The following PCDH15 variants were observed in gnomAD, a reference collection of about 807,000 sequenced individuals.
PCDH15 encodes the protein protocadherin-15.
A neutral mutation model predicts 178.5 loss-of-function variants in PCDH15; 129 were observed. The ratio of observed to expected loss-of-function variants is 0.72; its 90% CI spans 0.63 to 0.84. The LOEUF (loss-of-function observed/expected upper bound fraction) is 0.84. Among genes scored for constraint, PCDH15 ranks in the 40% least tolerant of loss-of-function variants. The pLI, the probability that PCDH15 is intolerant of heterozygous loss-of-function variation, is 0.00. For missense variants in PCDH15, 2,230 were observed against 2,099.9 expected, an observed-to-expected ratio of 1.06 and a Z score of -1.21; for synonymous variants, 800 against 732.0, an observed-to-expected ratio of 1.09 and a Z score of -1.50.
chr10:54,003,207 A>T (rs183769271), intron 20 of PCDH15, among the ~76,000 whole-genome samples: 1 of 152,342 alleles, frequency 6.6e-6, no homozygotes, highest in Admixed American at 6.5e-5. Flanking sequence ...AAACTAGAAA[A>T]GCAAGAGCAG....
At chr10:55,030,737 C>G (rs1369482692) in intron 2 of PCDH15, among the ~76,000 whole-genome samples, 1 of 152,050 alleles carries the variant, frequency 6.6e-6, no homozygotes, top group Non-Finnish European at 1.5e-5. Flanking sequence ...AAGAAACATT[C>G]TGTGAATTTT....
At chr10:54,012,655 A>G (rs1007701785) in intron 20 of PCDH15, among the ~76,000 whole-genome samples, 1 of 152,198 alleles carries the variant, frequency 6.6e-6, no homozygotes, top group Non-Finnish European at 1.5e-5. Context: ...ATTCTTAAAT[A>G]AAAGAATTTC....
chr10:54,339,223 T>G (rs1056592273), intron 6 of PCDH15, among the ~76,000 whole-genome samples: 3 of 152,212 alleles, frequency 2.0e-5, no homozygotes, highest in Non-Finnish European at 4.4e-5. Flanking sequence ...TCATTCACGT[T>G]AGTGTAATTT....
intron 2 of PCDH15, among the ~76,000 whole-genome samples, chr10:54,899,480 C>CCCCTT (rs1346080907): frequency 6.9e-6 from 1 of 145,818 alleles, no homozygotes; most frequent in East Asian, 2.1e-4. Context: ...CCCCTCCCCT[C>CCCCTT]CCCTTCCCTT....
In PCDH15 at chr10:55,227,492, G is replaced by C. The variant is rs924808837; in HGVS notation, c.-155-60841C>G. On this transcript the variant is annotated intron_variant, in intron 1 of 5. Coordinates refer to the PCDH15 transcript ENST00000458638. ...TGATTGATTCCCAGGATAACTGCTG[G>C]GCAGCAGGCTTAGAGGGTAGTCAGC... Among the ~76,000 whole-genome samples, 2 of 146,684 alleles carry C rather than the reference G, an allele frequency of 1.4e-5. 1 individual carries two copies. Among genetic ancestry groups the C allele is most frequent in the African/African-American group, 5.1e-5 (2 of 39,474 alleles).
chr10:54,780,670 A>G (rs1233297476), intron 1 of PCDH15, among the ~76,000 whole-genome samples: 1 of 151,252 alleles, frequency 6.6e-6, no homozygotes, highest in South Asian at 2.1e-4. Context: ...TCCACACATC[A>G]GGATTTGAGG....
At chr10:55,460,902 A>G (rs1839662341) in intron 2 of PCDH15, among the ~76,000 whole-genome samples, 1 of 152,052 alleles carries the variant, frequency 6.6e-6, no homozygotes, top group Non-Finnish European at 1.5e-5. Flanking sequence ...AGGTCCTGAT[A>G]TTAAAATTTG....
intron 3 of PCDH15, among the ~76,000 whole-genome samples, chr10:54,439,502 A>G (rs1449248958): frequency 6.6e-6 from 1 of 152,036 alleles, no homozygotes; most frequent in East Asian, 1.9e-4. Flanking sequence ...ACACTGAAAG[A>G]TACTCCCAAA....
rs2056661265 is a variant in PCDH15 at position 54,253,466 on chromosome 10, T to C, written c.877-16535A>G. Among the ~76,000 whole-genome samples the C allele has an allele frequency of 2.0e-5, 3 of 152,082 alleles. No homozygotes were observed. In the South Asian group the frequency reaches 6.2e-4, roughly 31 times the overall value. On this transcript the variant is annotated intron_variant, in intron 8 of 37. Transcript: ENST00000644397. ...AGAAATCTGTGACAACAGTGAGTTA[T>C]ATATTTTATTGACTTCCTCTAGTTC...
At chr10:54,791,862 C>T (rs576374941) in intron 1 of PCDH15, among the ~76,000 whole-genome samples, 1 of 151,908 alleles carries the variant, frequency 6.6e-6, no homozygotes, top group South Asian at 2.1e-4. Context: ...CTGCTCTCAT[C>T]TACCTGTTGA....
intron 8 of PCDH15, among the ~76,000 whole-genome samples, chr10:54,267,180 T>A (rs1183455830): frequency 7.9e-6 from 1 of 127,314 alleles, no homozygotes; most frequent in Non-Finnish European, 1.7e-5. Context: ...ATGAAAAAAA[T>A]AAGATTATCT....
chr10:54,232,144 G>A (rs7911163), intron 9 of PCDH15, among the ~76,000 whole-genome samples: 11,298 of 152,180 alleles, frequency 0.074, 1,342 homozygotes, highest in African/African-American at 0.25. Flanking sequence ...TGTAGGAGGA[G>A]GGACCTGGTA....
intron 3 of PCDH15, among the ~76,000 whole-genome samples, chr10:54,511,649 G>A (rs2081675914): frequency 6.6e-6 from 1 of 152,100 alleles, no homozygotes; most frequent in South Asian, 2.1e-4. Flanking sequence ...TTGGAAAATA[G>A]TCTTTGAACT....
chr10:54,856,986 C>T (rs1953753110), intron 3 of PCDH15, among the ~76,000 whole-genome samples: 1 of 152,048 alleles, frequency 6.6e-6, no homozygotes, highest in South Asian at 2.1e-4. Flanking sequence ...ATATTTCCTT[C>T]TTATCCTTAA....
intron 3 of PCDH15, among the ~76,000 whole-genome samples, chr10:54,859,876 G>T (rs1953809577): frequency 6.6e-6 from 1 of 151,728 alleles, no homozygotes; most frequent in African/African-American, 2.4e-5. Flanking sequence ...AAGATCTCAG[G>T]ATTTTTTTCT....
chr10:55,415,519 A>G (rs1403524222), intron 2 of PCDH15, among the ~76,000 whole-genome samples: 1 of 151,722 alleles, frequency 6.6e-6, no homozygotes, highest in Non-Finnish European at 1.5e-5. Context: ...TGATTATGAT[A>G]ATCTCATTTC....
chr10:54,562,414 G>T (rs2088311632), intron 2 of PCDH15, among the ~76,000 whole-genome samples: 1 of 152,094 alleles, frequency 6.6e-6, no homozygotes. Flanking sequence ...TTGATATCAA[G>T]AAATTAGAAG....
intron 2 of PCDH15, among the ~76,000 whole-genome samples, chr10:55,573,313 A>C (rs1220502041): frequency 6.6e-6 from 1 of 152,138 alleles, no homozygotes; most frequent in Non-Finnish European, 1.5e-5. Flanking sequence ...TTGATGGACC[A>C]TCTAACAGTT....
At chr10:54,344,979 T>TATATA (rs796129955) in intron 6 of PCDH15, among the ~76,000 whole-genome samples, 1 of 142,592 alleles carries the variant, frequency 7.0e-6, no homozygotes, top group Non-Finnish European at 1.5e-5. Context: ...TATATATATA[T>TATATA]TATATATATA....
Sources: allele counts gnomAD v4.1 joint callset (sites outside exome capture counted in the v4.1 genomes callset), GRCh38; gene constraint gnomAD v4.1.1; transcripts MANE v1.5; gene names NCBI Gene and HGNC (gene_info 2026-07-23, HGNC 2026-07-21).